Variants in MCTP2 observed in about 807,000 individuals in gnomAD.
MCTP2 encodes the protein multiple C2 and transmembrane domain containing 2.
In MCTP2, 132 loss-of-function variants were observed where a neutral mutation model predicts 111.6. That is an observed-to-expected ratio of 1.18 (90% CI 1.03 to 1.37). The LOEUF (loss-of-function observed/expected upper bound fraction) is 1.37. Among genes scored for constraint, MCTP2 ranks in the 40% most tolerant of loss-of-function variants. MCTP2 has a pLI of 0.00. For missense variants in MCTP2, 1,183 were observed against 1,067.9 expected (o/e 1.11, Z -1.50); for synonymous variants, 395 against 387.7 (o/e 1.02, Z -0.22).
In MCTP2 at chr15:94,333,948, A is replaced by G. The variant is rs963264974; in HGVS notation, c.638-5342A>G. Among the ~76,000 whole-genome samples, 7 of 152,216 alleles carry G rather than the reference A, an allele frequency of 4.6e-5. No homozygotes were observed. The South Asian group carries it at 8.3e-4, about 18-fold the overall frequency. ...AGATAAGGAATTTTCTATCAAACCT[A>G]AGAGACGATGATATAAATTTCACAC... is the stretch of plus-strand genomic sequence containing the variant. On this transcript the variant is annotated intron_variant, in intron 4 of 22. Coordinates refer to ENST00000357742, the MANE Select transcript of MCTP2 (RefSeq NM_001385001.1).
chr15:94,416,340 G>A (rs1194475629), intron 17 of MCTP2, among the ~76,000 whole-genome samples: 1 of 151,834 alleles, frequency 6.6e-6, no homozygotes, highest in African/African-American at 2.4e-5. Flanking sequence ...TACTCATCCT[G>A]TATAAAGCTG....
intron 17 of MCTP2, among the ~76,000 whole-genome samples, chr15:94,405,166 G>A (rs2081839954): frequency 6.6e-6 from 1 of 152,198 alleles, no homozygotes; most frequent in East Asian, 1.9e-4. Context: ...CCCTGGTGGG[G>A]CTTTTCTTCT....
intron 8 of MCTP2, among the ~76,000 whole-genome samples, chr15:94,352,591 G>A (rs1055046506): frequency 6.6e-6 from 1 of 152,150 alleles, no homozygotes; most frequent in South Asian, 2.1e-4. Context: ...CTATCTCTTG[G>A]CGTCTGTTTC....
At chr15:94,236,706 A>G (rs2070593611) in intron 1 of MCTP2, among the ~76,000 whole-genome samples, 1 of 152,146 alleles carries the variant, frequency 6.6e-6, no homozygotes, top group Non-Finnish European at 1.5e-5. Context: ...GAAGAGATAC[A>G]GTGTGACCAA....
intron 1 of MCTP2, among the ~76,000 whole-genome samples, chr15:94,262,294 G>T (rs2073232116): frequency 6.6e-6 from 1 of 152,142 alleles, no homozygotes. Context: ...GAAAGTGTTT[G>T]AAGATTGTAG....
intron 17 of MCTP2, among the ~76,000 whole-genome samples, chr15:94,410,155 T>C (rs1002158133): frequency 3.9e-5 from 6 of 152,156 alleles, no homozygotes; most frequent in African/African-American, 1.4e-4. Flanking sequence ...GATATAACTA[T>C]TGGTGGGTGA....
chr15:94,277,120 A>T (rs375448794), intron 1 of MCTP2, among the ~76,000 whole-genome samples: 8 of 152,284 alleles, frequency 5.3e-5, no homozygotes, highest in African/African-American at 1.9e-4. Context: ...TCCACATATA[A>T]AAGTCAATTG....
chr15:94,444,895 C>T (rs901370714), intron 19 of MCTP2, among the ~76,000 whole-genome samples: 4 of 152,116 alleles, frequency 2.6e-5, no homozygotes, highest in Non-Finnish European at 4.4e-5. Flanking sequence ...TTAGGAATAA[C>T]GGTGACCATG....
chr15:94,464,280 A>T (rs1183757037), intron 20 of MCTP2, among the ~76,000 whole-genome samples: 3 of 64,324 alleles, frequency 4.7e-5, no homozygotes, highest in African/African-American at 1.4e-4. Flanking sequence ...TATATATATA[A>T]ACGTCAGCCA....
chr15:94,388,982 G>T lies in MCTP2; in HGVS notation c.1788+3457G>T, dbSNP rs8027875. The stretch of plus-strand genomic sequence containing the variant: ...GCTATGTGCCGTCAGGGTCGGGGTT[G>T]GGGGGTGGCAGGAGGGACACAGACT... On this transcript the variant is annotated intron_variant, in intron 14 of 22. Transcript: ENST00000357742. 1.3e-5 allele frequency among the ~76,000 whole-genome samples: 2 copies of T among 152,114 alleles called. 1 individual carries two copies. The highest frequency in any genetic ancestry group is 4.1e-4 in the South Asian group (2 of 4,830).
intron 2 of MCTP2, among the ~76,000 whole-genome samples, chr15:94,303,178 AAT>A (rs970756290): frequency 6.2e-5 from 9 of 146,182 alleles, no homozygotes; most frequent in Admixed American, 6.9e-5. Context: ...GAACTAATGG[AAT>A]ATATATATAT....
chr15:94,443,405 T>C (rs1006158566), intron 19 of MCTP2, among the ~76,000 whole-genome samples: 3 of 152,236 alleles, frequency 2.0e-5, no homozygotes, highest in Non-Finnish European at 4.4e-5. Flanking sequence ...TGTACATCTG[T>C]CCTTTTCCTT....
At chr15:94,243,657 A>G (rs984605382) in intron 1 of MCTP2, among the ~76,000 whole-genome samples, 2 of 148,782 alleles carry the variant, frequency 1.3e-5, no homozygotes, top group Non-Finnish European at 3.0e-5. Flanking sequence ...ATGTATACAC[A>G]TATGCGTATA....
chr15:94,243,654 C>A (rs2071327090), intron 1 of MCTP2, among the ~76,000 whole-genome samples: 1 of 147,022 alleles, frequency 6.8e-6, no homozygotes, highest in Non-Finnish European at 1.5e-5. Context: ...TATATGTATA[C>A]ACATATGCGT....
chr15:94,424,040 C>A (rs1297859089), intron 17 of MCTP2, among the ~76,000 whole-genome samples: 1 of 152,166 alleles, frequency 6.6e-6, no homozygotes, highest in Non-Finnish European at 1.5e-5. Flanking sequence ...TGTTGCATGT[C>A]ACTCACTGTC....
chr15:94,387,492 A>G (rs1008362511), intron 14 of MCTP2, among the ~76,000 whole-genome samples: 1 of 152,234 alleles, frequency 6.6e-6, no homozygotes, highest in Non-Finnish European at 1.5e-5. Flanking sequence ...AGAATGTCTC[A>G]GGAATGACCT....
intron 1 of MCTP2, chr15:94,273,626 C>A (rs1406490463): frequency 5.0e-6 from 1 of 201,778 alleles, no homozygotes; most frequent in East Asian, 1.2e-4. Flanking sequence ...AATACAATGT[C>A]TGCTCCATGC....
chr15:94,342,509 CT>C (rs1317361388), intron 7 of MCTP2: 1 of 151,918 alleles, frequency 6.6e-6, no homozygotes, highest in African/African-American at 2.4e-5. Context: ...TCCTTATTTT[CT>C]TTTGTCTTTG....
chr15:94,420,823 G>A (rs1405521196), intron 17 of MCTP2, among the ~76,000 whole-genome samples: 1 of 152,148 alleles, frequency 6.6e-6, no homozygotes, highest in African/African-American at 2.4e-5. Flanking sequence ...ATAAAACAGT[G>A]GAAGGGTTTG....
Sources: allele counts gnomAD v4.1 joint callset (sites outside exome capture counted in the v4.1 genomes callset), GRCh38; gene constraint gnomAD v4.1.1; transcripts MANE v1.5; gene names NCBI Gene and HGNC (gene_info 2026-07-23, HGNC 2026-07-21).